The following GNA12 variants were observed in gnomAD, a reference collection of about 807,000 sequenced individuals.
The protein encoded by GNA12 is G protein subunit alpha 12, also known as guanine nucleotide-binding protein subunit alpha-12.
In GNA12, 9 loss-of-function variants were observed where a neutral mutation model predicts 26.0. That is an observed-to-expected ratio of 0.35 (90% CI 0.21 to 0.60). The LOEUF (loss-of-function observed/expected upper bound fraction) is 0.60, where lower values mean the gene tolerates loss of function less well. GNA12 is among the 20% of genes least tolerant of loss of function. The probability of loss-of-function intolerance (pLI) is 0.78; values close to 1 mark genes in which losing one functional copy is unlikely to be tolerated. For synonymous variants in GNA12, 264 were observed against 219.6 expected, an observed-to-expected ratio of 1.20 and a Z score of -1.79; for missense variants, 405 against 525.8, an observed-to-expected ratio of 0.77 and a Z score of 2.25.
chr7:2,780,047 TGTAC>T (rs149026578), intron 2 of GNA12, among the ~76,000 whole-genome samples: 1,938 of 63,818 alleles, frequency 0.03, 47 homozygotes, highest in Middle Eastern at 0.044. Flanking sequence ...CACATTTCTG[TGTAC>T]ATATATATAT....
chr7:2,836,323 TG>T (rs1290721290), intron 1 of GNA12, among the ~76,000 whole-genome samples: 1 of 152,208 alleles, frequency 6.6e-6, no homozygotes, highest in Non-Finnish European at 1.5e-5. Context: ...CTCCCAGGTC[TG>T]CCCCCTTACA....
chr7:2,768,999 G>A (rs904822797), intron 2 of GNA12, among the ~76,000 whole-genome samples: 1 of 152,178 alleles, frequency 6.6e-6, no homozygotes, highest in South Asian at 2.1e-4. Context: ...CACCTCCTGG[G>A]TTCAAGCAGT....
rs1790417002 is a variant in GNA12, at chr7:2,739,973, G to A, written c.526-6472C>T. Among the ~76,000 whole-genome samples the A allele has an allele frequency of 1.3e-5, 2 of 152,252 alleles. 1 individual carries two copies. Among genetic ancestry groups the A allele is most frequent in the South Asian group, 4.2e-4 (2 of 4,818 alleles). On this transcript the variant is annotated intron_variant, in intron 2 of 3. Transcript: ENST00000275364. ...CAGGTGTGAGTCACTGTGCCCGGCAGTCCTTTGGTAATTCTGTGCTTAATT... is the reference window on the plus strand; with the variant it reads ...CAGGTGTGAGTCACTGTGCCCGGCAATCCTTTGGTAATTCTGTGCTTAATT...
intron 2 of GNA12, 119 bp downstream of exon 2, chr7:2,794,809 G>T: frequency 2.7e-6 from 2 of 731,802 alleles, no homozygotes; most frequent in East Asian, 2.6e-5. Context: ...TACAACTTAC[G>T]GTGATTTAGA....
intron 2 of GNA12, among the ~76,000 whole-genome samples, chr7:2,768,973 T>G (rs1441915305): frequency 6.6e-6 from 1 of 152,208 alleles, no homozygotes; most frequent in African/African-American, 2.4e-5. Context: ...TTGTCCGGGC[T>G]GATCTCGGCT....
intron 1 of GNA12, among the ~76,000 whole-genome samples, chr7:2,831,224 C>T (rs1026168047): frequency 4.6e-5 from 7 of 151,782 alleles, no homozygotes; most frequent in Non-Finnish European, 7.4e-5. Flanking sequence ...AGTAAATGAC[C>T]GGTTTTCTAT....
intron 2 of GNA12, among the ~76,000 whole-genome samples, chr7:2,794,148 G>C (rs1792589680): frequency 6.6e-6 from 1 of 152,092 alleles, no homozygotes; most frequent in South Asian, 2.1e-4. Flanking sequence ...TAAAACTCAA[G>C]ACTGTCGTGT....
intron 1 of GNA12, among the ~76,000 whole-genome samples, chr7:2,801,430 C>G (rs1452466977): frequency 2.0e-5 from 3 of 152,136 alleles, no homozygotes; most frequent in South Asian, 4.1e-4. Context: ...CAGGCCTTCC[C>G]CAACTATCAG....
chr7:2,842,043 A>T (rs1269637702), intron 1 of GNA12, among the ~76,000 whole-genome samples: 1 of 74,830 alleles, frequency 1.3e-5, no homozygotes, highest in East Asian at 3.6e-4. Context: ...AAGAAAAGAA[A>T]AAAGGAAGGA....
intron 2 of GNA12, among the ~76,000 whole-genome samples, chr7:2,751,399 G>GAAA (rs67434697): frequency 3.2e-4 from 32 of 101,222 alleles, no homozygotes; most frequent in African/African-American, 1.0e-3. Flanking sequence ...AAAGAAAAAA[G>GAAA]AAAAAAAAAA....
intron 1 of GNA12, among the ~76,000 whole-genome samples, chr7:2,796,301 T>C (rs1792671642): frequency 6.6e-6 from 1 of 152,202 alleles, no homozygotes; most frequent in African/African-American, 2.4e-5. Flanking sequence ...TAGCTAATAA[T>C]AAAATACAAC....
intron 1 of GNA12, among the ~76,000 whole-genome samples, chr7:2,824,619 T>G (rs1793442901): frequency 6.6e-6 from 1 of 152,192 alleles, no homozygotes; most frequent in Non-Finnish European, 1.5e-5. Flanking sequence ...CAATGATGTA[T>G]CCCGGGCACT....
intron 1 of GNA12, among the ~76,000 whole-genome samples, chr7:2,807,582 A>G (rs1184589336): frequency 6.7e-6 from 1 of 150,310 alleles, no homozygotes; most frequent in Non-Finnish European, 1.5e-5. Context: ...AAGGTATAAG[A>G]GAGAAAAAAA....
At chr7:2,829,384 T>G (rs1793552081) in intron 1 of GNA12, among the ~76,000 whole-genome samples, 1 of 152,360 alleles carries the variant, frequency 6.6e-6, no homozygotes, top group Non-Finnish European at 1.5e-5. Flanking sequence ...AGTGTCTCTC[T>G]GACTCCCAAC....
At chr7:2,736,084 G>A (rs33932857) in intron 2 of GNA12, among the ~76,000 whole-genome samples, 43,912 of 152,044 alleles carry the variant, frequency 0.29, 6,467 homozygotes, top group Middle Eastern at 0.34. Context: ...TACAGCAGCA[G>A]CTCATTAAAA....
At chr7:2,739,259 C>T (rs1432157332) in intron 2 of GNA12, among the ~76,000 whole-genome samples, 4 of 152,224 alleles carry the variant, frequency 2.6e-5, no homozygotes, top group African/African-American at 9.6e-5. Context: ...ACGGCCACCA[C>T]TTCTACAGCC....
intron 1 of GNA12, among the ~76,000 whole-genome samples, chr7:2,829,199 C>T (rs1793548303): frequency 6.6e-6 from 1 of 152,228 alleles, no homozygotes; most frequent in South Asian, 2.1e-4. Context: ...TCTTGGCCCT[C>T]ACAAACAGGT....
intron 2 of GNA12, among the ~76,000 whole-genome samples, chr7:2,740,053 T>C (rs1278379615): frequency 1.3e-5 from 2 of 152,312 alleles, no homozygotes; most frequent in Admixed American, 6.5e-5. Flanking sequence ...TACATTCCCA[T>C]GGGCCATGTA....
chr7:2,734,216 C>G (rs1790043949), intron 2 of GNA12, among the ~76,000 whole-genome samples: 2 of 152,236 alleles, frequency 1.3e-5, no homozygotes, highest in African/African-American at 4.8e-5. Flanking sequence ...GCGAGGCACA[C>G]ACGGGGCACG....
Sources: gnomAD v4.1 joint callset for allele counts (sites outside exome capture counted in the v4.1 genomes callset) on GRCh38, gnomAD v4.1.1 for gene constraint, MANE v1.5 for transcripts, NCBI Gene and HGNC (gene_info 2026-07-23, HGNC 2026-07-21) for gene names.